The following HTR3B variants were observed in gnomAD, a reference collection of about 807,000 sequenced individuals.
The protein encoded by HTR3B is 5-hydroxytryptamine receptor 3B, also known as 5-hydroxytryptamine (serotonin) receptor 3B, ionotropic.
Under a neutral mutation model 42.8 loss-of-function variants are expected in HTR3B, and 44 were observed. That is an observed-to-expected ratio of 1.03 (90% confidence interval 0.81 to 1.32). The LOEUF is 1.32. Ranked by LOEUF, HTR3B falls within the 40% of genes most tolerant of loss-of-function variation. The probability of loss-of-function intolerance (pLI) is 0.00; values close to 1 mark genes in which losing one functional copy is unlikely to be tolerated. For missense variants in HTR3B, 527 were observed against 536.5 expected (o/e 0.98, Z 0.17); for synonymous variants, 203 against 209.0 (o/e 0.97, Z 0.25).
intron 7 of HTR3B, among the ~76,000 whole-genome samples, chr11:113,943,580 C>T (rs867788482): frequency 6.6e-6 from 1 of 151,972 alleles, no homozygotes; most frequent in Non-Finnish European, 1.5e-5. Flanking sequence ...GGTGGTCCGC[C>T]CACCTCAGCT....
intron 2 of HTR3B, among the ~76,000 whole-genome samples, chr11:113,919,153 T>C (rs1307801177): frequency 6.6e-6 from 1 of 152,192 alleles, no homozygotes; most frequent in African/African-American, 2.4e-5. Context: ...TAGCGATCCA[T>C]CTTTGTATTT....
chr11:113,908,050 G>A (rs1456739138), intron 1 of HTR3B, among the ~76,000 whole-genome samples: 3 of 152,144 alleles, frequency 2.0e-5, no homozygotes, highest in Non-Finnish European at 4.4e-5. Context: ...AATAGCTAAC[G>A]CCATTTTAGG....
At chr11:113,906,551 C>T (rs1485313903) in intron 1 of HTR3B, among the ~76,000 whole-genome samples, 1 of 152,144 alleles carries the variant, frequency 6.6e-6, no homozygotes, top group Non-Finnish European at 1.5e-5. Flanking sequence ...ATACCACTGG[C>T]TATTTCTGTC....
chr11:113,925,740 A>G (rs1949963538), intron 2 of HTR3B, among the ~76,000 whole-genome samples: 1 of 152,154 alleles, frequency 6.6e-6, no homozygotes, highest in African/African-American at 2.4e-5. Flanking sequence ...ATGGAAAGAA[A>G]TGAAAAAAAA....
chr11:113,900,597 G>A (rs1324608843), upstream of HTR3B, among the ~76,000 whole-genome samples: 2 of 152,204 alleles, frequency 1.3e-5, no homozygotes, highest in Middle Eastern at 3.4e-3. Context: ...GGGTTCAAGC[G>A]ATTCTCCTTC....
intron 6 of HTR3B, among the ~76,000 whole-genome samples, chr11:113,937,431 A>G (rs1306031577): frequency 4.6e-5 from 7 of 152,206 alleles, no homozygotes; most frequent in Admixed American, 4.6e-4. Flanking sequence ...AGATGAATAA[A>G]TGAAGGCTCC....
At chr11:113,941,657 G>A (rs886178748) in intron 6 of HTR3B, among the ~76,000 whole-genome samples, 4 of 152,122 alleles carry the variant, frequency 2.6e-5, no homozygotes, top group African/African-American at 9.7e-5. Context: ...TGACCAGTAG[G>A]GAGAGGAAGC....
Position 113,944,768 on chromosome 11 carries a change from C to T in HTR3B, c.1090+13C>T, listed in dbSNP as rs1950164126. The T allele has an allele frequency of 6.2e-7, 1 of 1,610,276 alleles. No individual in the cohort carries two copies. Among genetic ancestry groups the T allele is most frequent in the Non-Finnish European group, 8.5e-7 (1 of 1,177,296 alleles). On this transcript the variant is annotated intron_variant, in intron 8 of 8. Coordinates refer to ENST00000260191, the MANE Select transcript of HTR3B (RefSeq NM_006028.5). ...GCTGTGGTAACAGGTGTGTGAGAAGCCTTGTGTTTCTCCCCCGTCTGGATT... is the reference window on the plus strand; with the variant it reads ...GCTGTGGTAACAGGTGTGTGAGAAGTCTTGTGTTTCTCCCCCGTCTGGATT...
chr11:113,929,585 C>A (rs537497585), intron 2 of HTR3B, among the ~76,000 whole-genome samples: 1 of 152,152 alleles, frequency 6.6e-6, no homozygotes, highest in East Asian at 1.9e-4. Context: ...AATATGAACA[C>A]CTTGGAAGTT....
chr11:113,942,892 C>A, intron 6 of HTR3B, 90 bp from the exon 7 acceptor site: 1 of 1,067,138 alleles, frequency 9.4e-7, no homozygotes, highest in Non-Finnish European at 1.4e-6. Context: ...AACGTTGGGT[C>A]TTCGGGGAGA....
intron 8 of HTR3B, among the ~76,000 whole-genome samples, chr11:113,944,997 G>A (rs556033157): frequency 2.3e-4 from 35 of 152,112 alleles, no homozygotes; most frequent in Non-Finnish European, 1.5e-4. Context: ...TTGAGACAGG[G>A]TTTTGCCATG....
Position 113,918,783 on chromosome 11 carries a change from AAT to A in HTR3B, c.213+9330_213+9331del, listed in dbSNP as rs562457781. Among the ~76,000 whole-genome samples, 456 of 152,118 alleles carry A rather than the reference AAT, an allele frequency of 3.0e-3. 2 individuals carry two copies. The highest frequency in any genetic ancestry group is 5.6e-3 in the Non-Finnish European group (380 of 67,994). On this transcript the variant is annotated intron_variant, in intron 2 of 8. Transcript: ENST00000260191. ...GCAATTCTCCTGCCTCAGCCTCCTG[AAT>A]AGCTGGGATTACAGGCATGCGCCAC...
intron 6 of HTR3B, among the ~76,000 whole-genome samples, chr11:113,933,684 T>C (rs1950061130): frequency 6.6e-6 from 1 of 152,150 alleles, no homozygotes; most frequent in African/African-American, 2.4e-5. Context: ...CTTGGCTGCA[T>C]TGTTCATAGG....
At position 113,948,750 on chromosome 11, in the gene HTR3B, C is replaced by A. The variant is rs949785828; in HGVS notation, c.*2613C>A. Reference sequence around the variant, plus strand: ...TGGTGGCACATGCCTGTAATCCCACCTACTCGGGGGGCTGAGGCAGGAGAA... The same window carrying A: ...TGGTGGCACATGCCTGTAATCCCACATACTCGGGGGGCTGAGGCAGGAGAA... On this transcript the variant is annotated 3_prime_UTR_variant, in exon 9 of 9. Coordinates refer to ENST00000260191, the MANE Select transcript of HTR3B (RefSeq NM_006028.5). Among the ~76,000 whole-genome samples, 1 of 152,026 alleles carries A rather than the reference C, an allele frequency of 6.6e-6. No individual in the cohort carries two copies. Among genetic ancestry groups the A allele is most frequent in the Admixed American group, 6.6e-5 (1 of 15,266 alleles).
Position 113,943,131 on chromosome 11 carries a change from C to G in HTR3B, c.846C>G (p.Thr282=), listed in dbSNP as rs539145522. Residue 282 remains threonine, a synonymous_variant, in exon 7 of 9, where the codon ACC becomes ACG. Transcript: ENST00000260191. The part of the protein sequence containing the change: ...VFKTSVLVGY[T]VFRVNMSNQV... Reference sequence around the variant, plus strand: ...AGACCAGTGTGCTGGTGGGCTACACCGTCTTCAGGGTCAACATGTCCAACC... The same window carrying G: ...AGACCAGTGTGCTGGTGGGCTACACGGTCTTCAGGGTCAACATGTCCAACC... 6.2e-7 allele frequency: 1 copy of G among 1,613,920 alleles called. No individual in the cohort carries two copies. The highest frequency in any genetic ancestry group is 8.5e-7 in the Non-Finnish European group (1 of 1,180,034).
chr11:113,919,447 A>T (rs1949890471), intron 2 of HTR3B, among the ~76,000 whole-genome samples: 2 of 152,194 alleles, frequency 1.3e-5, no homozygotes, highest in Admixed American at 6.5e-5. Flanking sequence ...TTACTATTTT[A>T]GTACTACCAG....
intron 7 of HTR3B, among the ~76,000 whole-genome samples, chr11:113,944,169 G>A (rs988960479): frequency 2.0e-4 from 31 of 151,708 alleles, no homozygotes; most frequent in African/African-American, 7.5e-4. Flanking sequence ...ACAGGCGCCC[G>A]CCACCATGCC....
rs149323450 is a variant in HTR3B, at chr11:113,906,986, G to A, written c.52+2001G>A. Among the ~76,000 whole-genome samples, 92 of 152,244 alleles carry A rather than the reference G, an allele frequency of 6.0e-4. 1 individual carries two copies. The highest frequency in any genetic ancestry group is 2.0e-3 in the African/African-American group (85 of 41,546). ...TGTGTAACTCTCTTATAATCCTACA[G>A]ATACATAGTGACTAAAGCAAGAATA... On this transcript the variant is annotated intron_variant, in intron 1 of 8. Coordinates refer to ENST00000260191, the MANE Select transcript of HTR3B (RefSeq NM_006028.5).
At chr11:113,915,193 T>C (rs1565557743) in intron 2 of HTR3B, among the ~76,000 whole-genome samples, 3 of 151,222 alleles carry the variant, frequency 2.0e-5, no homozygotes, top group African/African-American at 7.2e-5. Context: ...GTAATTTTTT[T>C]GTTTGTTTGT....
Sources: gnomAD v4.1 joint callset for allele counts (sites outside exome capture counted in the v4.1 genomes callset) on GRCh38, gnomAD v4.1.1 for gene constraint, MANE v1.5 for transcripts, NCBI Gene and HGNC (gene_info 2026-07-23, HGNC 2026-07-21) for gene names.